WFDC3: variants seen among roughly 807,000 people sequenced by gnomAD.
The protein encoded by WFDC3 is WAP four-disulfide core domain protein 3.
In WFDC3, 15 loss-of-function variants were observed where a neutral mutation model predicts 25.8. The ratio of observed to expected loss-of-function variants is 0.58; its 90% CI spans 0.39 to 0.89. The LOEUF (loss-of-function observed/expected upper bound fraction) is 0.89, where lower values mean the gene tolerates loss of function less well. WFDC3 is among the 40% of genes least tolerant of loss of function. The pLI is 0.00. For missense variants in WFDC3, 264 were observed against 289.8 expected, an observed-to-expected ratio of 0.91 and a Z score of 0.65; for synonymous variants, 103 against 107.1, an observed-to-expected ratio of 0.96 and a Z score of 0.24.
intron 5 of WFDC3, among the ~76,000 whole-genome samples, chr20:45,776,710 T>A (rs999513083): frequency 6.7e-6 from 1 of 149,474 alleles, no homozygotes; most frequent in African/African-American, 2.5e-5. Flanking sequence ...GGGGAGAAGC[T>A]TTTTGTTAAA....
chr20:45,782,721 C>A (rs1381997513), intron 4 of WFDC3, among the ~76,000 whole-genome samples: 1 of 152,176 alleles, frequency 6.6e-6, no homozygotes, highest in Non-Finnish European at 1.5e-5. Flanking sequence ...CCAGTCTAAG[C>A]CCCGATCATC....
At chr20:45,790,826 TG>T in intron 1 of WFDC3, 1 of 449,046 alleles carries the variant, frequency 2.2e-6, no homozygotes, top group Non-Finnish European at 4.6e-6. Context: ...CCTACATCTT[TG>T]TCCCTCTAAC....
rs1866626654 is a variant in WFDC3, at chr20:45,788,981, T to C, written c.161A>G (p.Gln54Arg). 6.2e-7 allele frequency: 1 copy of C among 1,613,894 alleles called. No individual in the cohort carries two copies. Among genetic ancestry groups the C allele is most frequent in the Non-Finnish European group, 8.5e-7 (1 of 1,179,942 alleles). The change falls in exon 3 of 7, where the codon CAG becomes CGG. Residue 54 changes from glutamine to arginine, a missense_variant. Transcript: ENST00000243938. ...ACCACAGCCTGTGGTGCAGCACTTC[T>C]GTTCAGCCGGACACAATTCATCACC... ...CQGDELCPAE[Q>R]KCCTTGCGRI...
At chr20:45,776,601 AAAAAAAAAAAAGAAAAAAAAG>A (rs1200176672) in intron 5 of WFDC3, among the ~76,000 whole-genome samples, 571 of 45,452 alleles carry the variant, frequency 0.013, 4 homozygotes, top group African/African-American at 0.025. Flanking sequence ...CTGTCTCAAA[AAAAAAAAAAAAGAAAAAAAAG>A]AAAAAAAAAA....
At chr20:45,776,321 T>TGTGTGTGTGTATG (rs1980151592) in intron 5 of WFDC3, among the ~76,000 whole-genome samples, 4 of 149,000 alleles carry the variant, frequency 2.7e-5, no homozygotes, top group Non-Finnish European at 6.0e-5. Flanking sequence ...TGTGTGTGTG[T>TGTGTGTGTGTATG]TTCCAGCTGG....
intron 5 of WFDC3, among the ~76,000 whole-genome samples, chr20:45,776,639 T>C (rs201631889): frequency 1.2e-5 from 1 of 82,932 alleles, no homozygotes; most frequent in African/African-American, 4.5e-5. Context: ...AAAAAAAATA[T>C]ATATATATAT....
chr20:45,779,342 A>G (rs1174961630), intron 4 of WFDC3, among the ~76,000 whole-genome samples: 1 of 152,238 alleles, frequency 6.6e-6, no homozygotes, highest in Non-Finnish European at 1.5e-5. Flanking sequence ...GTATGATTGC[A>G]TACAGCTGGC....
intron 4 of WFDC3, among the ~76,000 whole-genome samples, chr20:45,786,600 G>A (rs146986369): frequency 6.6e-5 from 10 of 152,274 alleles, no homozygotes; most frequent in South Asian, 2.1e-4. Context: ...CCAGGAGCCC[G>A]TCACTGGATC....
chr20:45,780,007 C>G (rs1314779068), intron 4 of WFDC3: 2 of 152,058 alleles, frequency 1.3e-5, no homozygotes, highest in African/African-American at 2.4e-5. Flanking sequence ...TTAATGGGGC[C>G]TCACTACCTC....
intron 2 of WFDC3, among the ~76,000 whole-genome samples, chr20:45,789,367 G>A (rs1015209427): frequency 2.6e-5 from 4 of 151,872 alleles, no homozygotes; most frequent in African/African-American, 9.7e-5. Flanking sequence ...TTAGCTGGGC[G>A]TGGCGGCGGG....
chr20:45,776,623 A>T (rs1381803658), intron 5 of WFDC3, among the ~76,000 whole-genome samples: 5 of 37,300 alleles, frequency 1.3e-4, no homozygotes, highest in Admixed American at 7.4e-4. Context: ...GAAAAAAAAG[A>T]AAAAAAAAAA....
intron 6 of WFDC3, 94 bp downstream of exon 6, chr20:45,775,323 T>C (rs1249312564): frequency 1.3e-6 from 2 of 1,508,114 alleles, no homozygotes; most frequent in African/African-American, 1.4e-5. Flanking sequence ...ACTAGACTTT[T>C]CCTGACCTTC....
chr20:45,775,372 C>G, intron 6 of WFDC3, 45 bp downstream of exon 6: 1 of 1,597,170 alleles, frequency 6.3e-7, no homozygotes, highest in Non-Finnish European at 8.6e-7. Flanking sequence ...GTGCTTTGCA[C>G]ATAGCAGTTG....
At chr20:45,790,216 G>A in intron 1 of WFDC3, 1 of 446,568 alleles carries the variant, frequency 2.2e-6, no homozygotes, top group Non-Finnish European at 4.0e-6. Flanking sequence ...ATCAAATTCT[G>A]TAAGCAATAT....
chr20:45,778,394 A>G (rs1980290882), intron 4 of WFDC3, among the ~76,000 whole-genome samples: 2 of 152,338 alleles, frequency 1.3e-5, no homozygotes, highest in South Asian at 2.1e-4. Flanking sequence ...GCTTTAAGTC[A>G]TGAAGTTTGG....
Position 45,774,381 on chromosome 20 carries a change from GA to G in WFDC3, c.*46del, listed in dbSNP as rs752933906. On this transcript the variant is annotated 3_prime_UTR_variant, in exon 7 of 7. Coordinates refer to ENST00000243938, the MANE Select transcript of WFDC3 (RefSeq NM_080614.2). Reference sequence around the variant, plus strand: ...GATGTCACCCTCTCTTGACTGCCAGGAAAAGCTTCCAGAATTACCAAAGAAG... The same window carrying G: ...GATGTCACCCTCTCTTGACTGCCAGGAAAGCTTCCAGAATTACCAAAGAAG... The G allele has an allele frequency of 3.5e-5, 56 of 1,613,870 alleles. No homozygotes were observed. Among genetic ancestry groups the G allele is most frequent in the Admixed American group, 6.7e-5 (4 of 59,996 alleles).
chr20:45,784,964 C>T (rs979703616), intron 4 of WFDC3, among the ~76,000 whole-genome samples: 2 of 152,140 alleles, frequency 1.3e-5, no homozygotes, highest in South Asian at 4.1e-4. Context: ...CCCAGGACTC[C>T]GACAACCCAA....
rs1372087790 is a variant in WFDC3, at chr20:45,789,912, T to C, written c.64A>G (p.Ile22Val). Reference protein sequence around the residue: ...LLALGSLESWITAGEHAKEGE... With the variant: ...LLALGSLESWVTAGEHAKEGE... The stretch of plus-strand genomic sequence containing the variant: ...AGCTCACCATGTTCTCCTGCAGTTA[T>C]CCAGGATTCCAGAGACCCAAGAGCA... The change falls in exon 2 of 7, where the codon ATA (isoleucine) becomes GTA (valine). Residue 22 changes from isoleucine to valine, a missense_variant. Physicochemically the swap from Ile to Val is conservative, Grantham distance 29 (BLOSUM62 3). Transcript: ENST00000243938. 3.7e-6 allele frequency: 6 copies of C among 1,614,070 alleles called. No individual in the cohort carries two copies. Among genetic ancestry groups the C allele is most frequent in the Non-Finnish European group, 5.1e-6 (6 of 1,179,972 alleles).
In WFDC3 at chr20:45,777,139, A is replaced by G. The variant is rs780690603; in HGVS notation, c.429T>C (p.Cys143=). 16 of 1,610,660 alleles carry G rather than the reference A, an allele frequency of 9.9e-6. No individual in the cohort carries two copies. The South Asian group carries it at 1.7e-4, about 17-fold the overall frequency. The change falls in exon 5 of 7, where the codon TGT becomes TGC. Residue 143 remains cysteine (C), a synonymous_variant. Transcript: ENST00000243938. ...CEELCDGDAS[C]PQGHKCCSTG... ...TGCTGCAGCATTTATGCCCCTGGGG[A>G]CAGGATGCATCCCCATCACACAGCT... is the stretch of plus-strand genomic sequence containing the variant.
Sources: gnomAD v4.1 joint callset for allele counts (sites outside exome capture counted in the v4.1 genomes callset) on GRCh38, gnomAD v4.1.1 for gene constraint, MANE v1.5 for transcripts, NCBI Gene and HGNC (gene_info 2026-07-23, HGNC 2026-07-21) for gene names.